Variants in STXBP4 observed in about 807,000 individuals in gnomAD.
STXBP4 encodes syntaxin-binding protein 4.
In STXBP4, 55 loss-of-function variants were observed where a neutral mutation model predicts 76.1. That is an observed-to-expected ratio of 0.72 (90% CI 0.58 to 0.91). The LOEUF (loss-of-function observed/expected upper bound fraction) is 0.91. Ranked by LOEUF, STXBP4 falls within the 40% of genes least tolerant of loss-of-function variation. STXBP4 has a pLI of 0.00. For synonymous variants in STXBP4, 201 were observed against 220.2 expected (o/e 0.91, Z 0.77); for missense variants, 618 against 636.9 (o/e 0.97, Z 0.32).
In STXBP4 at chr17:55,052,212, T is replaced by C. The variant is rs562403761; in HGVS notation, c.1011+5058T>C. 2.9e-4 allele frequency among the ~76,000 whole-genome samples: 44 copies of C among 151,974 alleles called. 1 individual carries two copies. The highest frequency in any genetic ancestry group is 6.8e-3 in the Middle Eastern group (2 of 294). ...GACAAATTTCAGAAATGAGGAAGGG[T>C]AAGTAAAATATAAGCCTGGAATATC... On this transcript the variant is annotated intron_variant, in intron 12 of 17. Coordinates refer to ENST00000376352, the MANE Select transcript of STXBP4 (RefSeq NM_178509.6).
intron 12 of STXBP4, 62 bp downstream of exon 12, chr17:55,047,216 G>C: frequency 4.6e-6 from 4 of 867,474 alleles, no homozygotes; most frequent in Non-Finnish European, 7.1e-6. Flanking sequence ...GTGTGTGTGT[G>C]TGAACATATG....
At chr17:55,052,052 A>T (rs1029960036) in intron 12 of STXBP4, among the ~76,000 whole-genome samples, 3 of 152,102 alleles carry the variant, frequency 2.0e-5, no homozygotes, top group Admixed American at 2.0e-4. Context: ...GACTATCTGT[A>T]TATGTATATT....
intron 1 of STXBP4, among the ~76,000 whole-genome samples, chr17:54,982,594 TTG>T (rs61223151): frequency 0.35 from 51,397 of 148,944 alleles, 9,215 homozygotes; most frequent in East Asian, 0.62. Context: ...TGAGGGTGGT[TTG>T]TGTGTGTGTG....
At chr17:55,116,805 G>C (rs991295120) in intron 16 of STXBP4, among the ~76,000 whole-genome samples, 1 of 151,778 alleles carries the variant, frequency 6.6e-6, no homozygotes, top group Non-Finnish European at 1.5e-5. Flanking sequence ...GCTCTGTTAT[G>C]TGACCTAGAT....
At chr17:54,971,846 G>A (rs574173218) in intron 1 of STXBP4, among the ~76,000 whole-genome samples, 1 of 151,852 alleles carries the variant, frequency 6.6e-6, no homozygotes, top group Non-Finnish European at 1.5e-5. Flanking sequence ...GCTCAGGCTG[G>A]TTTCAAACTC....
chr17:55,105,056 ATCT>A (rs901010582), intron 16 of STXBP4, among the ~76,000 whole-genome samples: 2 of 151,864 alleles, frequency 1.3e-5, no homozygotes, highest in African/African-American at 2.4e-5. Flanking sequence ...TATTTTGTTA[ATCT>A]TCTCAAAAAA....
At chr17:55,028,550 C>T (rs1292536164) in intron 8 of STXBP4, among the ~76,000 whole-genome samples, 1 of 152,124 alleles carries the variant, frequency 6.6e-6, no homozygotes, top group African/African-American at 2.4e-5. Context: ...AAGGGCAGGG[C>T]TGCAGTTTTT....
intron 9 of STXBP4, among the ~76,000 whole-genome samples, chr17:55,032,711 T>C (rs2787506): frequency 0.31 from 46,482 of 152,044 alleles, 7,457 homozygotes; most frequent in African/African-American, 0.38. Context: ...AGTTGCCAGC[T>C]GCAAGGGAGT....
At chr17:55,185,853 G>T in the STXBP4 span, among the ~76,000 whole-genome samples, 11 of 152,304 alleles carry the variant, frequency 7.2e-5, no homozygotes, top group African/African-American at 1.7e-4. Context: ...AGACGAAAAG[G>T]GTGAACTGAG....
chr17:55,186,215 T>C, the STXBP4 span, among the ~76,000 whole-genome samples: 1 of 152,162 alleles, frequency 6.6e-6, no homozygotes, highest in African/African-American at 2.4e-5. Flanking sequence ...TAAATGCAAT[T>C]TTTTTTGAGA....
intron 12 of STXBP4, among the ~76,000 whole-genome samples, chr17:55,051,049 T>C (rs545858961): frequency 1.3e-5 from 2 of 152,234 alleles, no homozygotes; most frequent in African/African-American, 4.8e-5. Flanking sequence ...TGCCTATTTT[T>C]GTAAAAGAAA....
intron 13 of STXBP4, 81 bp from the exon 14 acceptor site, chr17:55,077,997 A>G: frequency 1.2e-6 from 1 of 811,378 alleles, no homozygotes; most frequent in Non-Finnish European, 2.0e-6. Context: ...ATTGAATATT[A>G]GTTCATAAAA....
chr17:54,997,135 G>A (rs1457494425), intron 4 of STXBP4, among the ~76,000 whole-genome samples: 1 of 152,130 alleles, frequency 6.6e-6, no homozygotes, highest in Non-Finnish European at 1.5e-5. Flanking sequence ...TCCATCTGGG[G>A]CAGAATGCAC....
At chr17:55,078,287 C>T (rs964954695) in intron 14 of STXBP4, 93 bp downstream of exon 14, 12 of 804,234 alleles carry the variant, frequency 1.5e-5, no homozygotes, top group Non-Finnish European at 2.2e-5. Flanking sequence ...CCTAGTGAAA[C>T]ATTCTCTAGT....
intron 3 of STXBP4, among the ~76,000 whole-genome samples, chr17:54,989,308 T>C (rs184338554): frequency 4.6e-4 from 70 of 152,200 alleles, no homozygotes; most frequent in African/African-American, 1.7e-3. Flanking sequence ...GGGGTTTCAC[T>C]GTGGTCTCGA....
chr17:55,198,441 T>C, the STXBP4 span, among the ~76,000 whole-genome samples: 1 of 152,186 alleles, frequency 6.6e-6, no homozygotes, highest in African/African-American at 2.4e-5. Flanking sequence ...TGCTTCTGTA[T>C]GCCACATTGA....
chr17:55,004,322 A>G (rs914499039), intron 7 of STXBP4, among the ~76,000 whole-genome samples: 3 of 152,210 alleles, frequency 2.0e-5, no homozygotes, highest in Non-Finnish European at 4.4e-5. Flanking sequence ...ATCCATTCAG[A>G]GTTCATGGTA....
chr17:55,127,651 A>G (rs988386176), intron 16 of STXBP4, among the ~76,000 whole-genome samples: 1 of 152,176 alleles, frequency 6.6e-6, no homozygotes, highest in Non-Finnish European at 1.5e-5. Flanking sequence ...CATGAGAGCT[A>G]TTATTTGAAA....
intron 16 of STXBP4, among the ~76,000 whole-genome samples, chr17:55,114,314 C>T (rs2079757369): frequency 6.6e-6 from 1 of 152,008 alleles, no homozygotes; most frequent in Admixed American, 6.6e-5. Flanking sequence ...CTATAATGGC[C>T]TTAAAGTTGC....
Sources: allele counts gnomAD v4.1 joint callset (sites outside exome capture counted in the v4.1 genomes callset), GRCh38; gene constraint gnomAD v4.1.1; transcripts MANE v1.5; gene names NCBI Gene and HGNC (gene_info 2026-07-23, HGNC 2026-07-21).